Variants in CDCA7 observed in about 807,000 individuals in gnomAD.
CDCA7 encodes cell division cycle associated 7.
A neutral mutation model predicts 54.0 loss-of-function variants in CDCA7; 28 were observed. The ratio of observed to expected loss-of-function variants is 0.52; its 90% CI spans 0.38 to 0.71. The LOEUF (loss-of-function observed/expected upper bound fraction) is 0.71, where lower values mean the gene tolerates loss of function less well. Ranked by LOEUF, CDCA7 falls within the 30% of genes least tolerant of loss-of-function variation. The pLI is 0.00. For synonymous variants in CDCA7, 180 were observed against 208.2 expected, an observed-to-expected ratio of 0.86 and a Z score of 1.16; for missense variants, 484 against 586.0, an observed-to-expected ratio of 0.83 and a Z score of 1.80.
chr2:173,358,968 A>G, intron 2 of CDCA7, 131 bp downstream of exon 2: 1 of 1,250,626 alleles, frequency 8.0e-7, no homozygotes, highest in Non-Finnish European at 1.1e-6. Context: ...TACAGTATGC[A>G]CTATAATTTC....
Position 173,366,458 on chromosome 2 carries a change from T to C in CDCA7, c.1185+26T>C. 1 of 1,610,634 alleles carries C rather than the reference T, an allele frequency of 6.2e-7. No homozygotes were observed. Among genetic ancestry groups the C allele is most frequent in the Non-Finnish European group, 8.5e-7 (1 of 1,177,714 alleles). ...GTAGGTGCCTGCCAGGGGTTGGTCC[T>C]GTGGGCTTGAAGGTCAGCCACAAAC... is the stretch of plus-strand genomic sequence containing the variant. On this transcript the variant is annotated intron_variant, in intron 8 of 9. Coordinates refer to ENST00000306721, the MANE Select transcript of CDCA7 (RefSeq NM_031942.5). The surrounding 1 kb of genome is among the most constrained non-coding windows in gnomAD (Gnocchi z 4.5).
At chr2:173,355,774 C>T (rs1294330444) in intron 1 of CDCA7, among the ~76,000 whole-genome samples, 1 of 151,298 alleles carries the variant, frequency 6.6e-6, no homozygotes, top group African/African-American at 2.4e-5. Context: ...GGTCGGGCTC[C>T]TGGAGAGGGT....
At position 173,368,339 on chromosome 2, in the gene CDCA7, A is replaced by G. The variant is rs993893072; in HGVS notation, c.*675A>G. ...ATCATAATTCAAAGGTTGGTGGGCA[A>G]TGTAATACTTAATTAAAATAATGAT... is the stretch of plus-strand genomic sequence containing the variant. On this transcript the variant is annotated 3_prime_UTR_variant, in exon 10 of 10. Transcript: ENST00000306721. The G allele has an allele frequency of 1.3e-5, 2 of 152,240 alleles. No individual in the cohort carries two copies. The highest frequency in any genetic ancestry group is 2.1e-4 in the South Asian group (1 of 4,830). 9.4% of individuals were successfully genotyped at this position (152,240 alleles called of 1,614,324 possible). A position where few individuals can be genotyped will look rare whatever the true frequency, so the allele number is the denominator to read the frequency against.
At chr2:173,355,053 A>C in intron 1 of CDCA7, 69 bp downstream of exon 1, 2 of 1,272,394 alleles carry the variant, frequency 1.6e-6, no homozygotes, top group Non-Finnish European at 2.0e-6. Flanking sequence ...GCGCGGGCCG[A>C]CCCTCTCCAA....
Position 173,354,987 on chromosome 2 carries a change from G to C in CDCA7, c.21+3G>C. 1 of 1,427,412 alleles carries C rather than the reference G, an allele frequency of 7.0e-7. No individual in the cohort carries two copies. The highest frequency in any genetic ancestry group is 1.5e-5 in the South Asian group (1 of 67,776). The allele number at this position is 1,427,412 out of a possible 1,614,324, so 88.4% of individuals were successfully genotyped here. A position where few individuals can be genotyped will look rare whatever the true frequency, so the allele number is the denominator to read the frequency against. ...GCATGGACGCTCGCCGCGTGCCGGTGAGGGCTGGGCGGGCGAACCCGAGGG... is the reference window on the plus strand; with the variant it reads ...GCATGGACGCTCGCCGCGTGCCGGTCAGGGCTGGGCGGGCGAACCCGAGGG... On this transcript the variant is annotated splice_donor_region_variant and intron_variant, in intron 1 of 9. Coordinates refer to ENST00000306721, the MANE Select transcript of CDCA7 (RefSeq NM_031942.5).
In CDCA7 at chr2:173,367,834, A is replaced by G. The variant is rs1294609680; in HGVS notation, c.*170A>G. On this transcript the variant is annotated 3_prime_UTR_variant, in exon 10 of 10. Transcript: ENST00000306721. ...GTGTTTCTGGAGCATCACAGAAGGT[A>G]TATTGCTAGTTACACTTTGCCCTCC... The G allele has an allele frequency of 5.5e-6, 4 of 730,002 alleles. No individual in the cohort carries two copies. The highest frequency in any genetic ancestry group is 9.4e-6 in the Non-Finnish European group (4 of 426,360). 45.2% of individuals were successfully genotyped at this position (730,002 alleles called of 1,614,324 possible). A position where few individuals can be genotyped will look rare whatever the true frequency, so the allele number is the denominator to read the frequency against.
In CDCA7 at chr2:173,358,719, A is replaced by C; in HGVS notation, c.29A>C (p.Asp10Ala). 6.2e-7 allele frequency: 1 copy of C among 1,613,108 alleles called. No homozygotes were observed. Among genetic ancestry groups the C allele is most frequent in the Non-Finnish European group, 8.5e-7 (1 of 1,179,568 alleles). MDARRVPQK[D>A]LRVKKNLKKF... is the part of the protein sequence containing the mutation. The stretch of plus-strand genomic sequence containing the variant: ...TGCTATTTCCATTTGCAGCAGAAAG[A>C]TCTCAGAGTAAAGAAGAACTTAAAG... Residue 10 changes from aspartate to alanine, a missense_variant, in exon 2 of 10, where the codon GAT becomes GCT. Around this residue, in one of 3 missense-constraint regions of CDCA7, gnomAD observed 398 missense variants for 447.4 expected, o/e 0.89. Coordinates refer to ENST00000306721, the MANE Select transcript of CDCA7 (RefSeq NM_031942.5).
intron 3 of CDCA7, among the ~76,000 whole-genome samples, chr2:173,361,729 G>C (rs190634115): frequency 6.5e-4 from 99 of 152,254 alleles, no homozygotes; most frequent in African/African-American, 2.4e-3. Flanking sequence ...TGGGATTACA[G>C]ATGTGAGCCA....
At chr2:173,359,522 A>C in intron 3 of CDCA7, 31 bp downstream of exon 3, 1 of 1,573,334 alleles carries the variant, frequency 6.4e-7, no homozygotes, top group Non-Finnish European at 8.7e-7. Context: ...AGTTTCAAGA[A>C]GTAAGATACA....
rs759360777 is a variant in CDCA7 at position 173,363,396 on chromosome 2, A to C, written c.555A>C (p.Ser185=). 6.2e-7 allele frequency: 1 copy of C among 1,614,240 alleles called. No individual in the cohort carries two copies. The highest frequency in any genetic ancestry group is 1.1e-5 in the South Asian group (1 of 91,086). The change falls in exon 4 of 10, where the codon TCA becomes TCC. Residue 185 remains serine, a synonymous_variant. Coordinates refer to ENST00000306721, the MANE Select transcript of CDCA7 (RefSeq NM_031942.5). The stretch of plus-strand genomic sequence containing the variant: ...CTGTGACTGATTCCAACTCCGATTC[A>C]GAAGATGAAAGTGGAATGAATTTTT... ...ENSVTDSNSD[S]EDESGMNFLE...
Position 173,363,813 on chromosome 2 carries a change from T to C in CDCA7, c.622-5T>C, listed in dbSNP as rs1331959998. 1 of 1,613,876 alleles carries C rather than the reference T, an allele frequency of 6.2e-7. No homozygotes were observed. Among genetic ancestry groups the C allele is most frequent in the African/African-American group, 1.3e-5 (1 of 74,922 alleles). On this transcript the variant is annotated splice_region_variant and splice_polypyrimidine_tract_variant and intron_variant, in intron 4 of 9. Transcript: ENST00000306721. ...TGATATCAGTTTAATTTCCTCCCTT[T>C]TTAGCTTGCAAAACTCATGTCTGAA...
chr2:173,358,449 G>C (rs7582894), intron 1 of CDCA7: 62,486 of 243,220 alleles, frequency 0.26, 8,457 homozygotes, highest in Middle Eastern at 0.35. Context: ...AGGCTTGCTT[G>C]AGCTCAGGAG....
chr2:173,363,566 A>G lies in CDCA7; in HGVS notation c.621+104A>G. 5 of 1,189,544 alleles carry G rather than the reference A, an allele frequency of 4.2e-6. No individual in the cohort carries two copies. In the South Asian group the frequency reaches 7.2e-5, roughly 17 times the overall value. 73.7% of individuals were successfully genotyped at this position (1,189,544 alleles called of 1,614,324 possible). A position where few individuals can be genotyped will look rare whatever the true frequency, so the allele number is the denominator to read the frequency against. ...AGTTATTTTTTTCTGTTACATGAAT[A>G]AAAAGTTATTTTTGTTTACCTGTGA... On this transcript the variant is annotated intron_variant, in intron 4 of 9. Transcript: ENST00000306721.
Position 173,367,728 on chromosome 2 carries a change from T to C in CDCA7, c.*64T>C. ...TCTTTCTTGTAAAAGTTTCCAATTT[T>C]TTCACTGAAACCTGAGTTAAAAATC... On this transcript the variant is annotated 3_prime_UTR_variant, in exon 10 of 10. Coordinates refer to ENST00000306721, the MANE Select transcript of CDCA7 (RefSeq NM_031942.5). The C allele has an allele frequency of 6.4e-7, 1 of 1,552,488 alleles. No homozygotes were observed. The highest frequency in any genetic ancestry group is 1.1e-5 in the South Asian group (1 of 89,292).
In CDCA7 at chr2:173,358,803, G is replaced by A. The variant is rs140240952; in HGVS notation, c.113G>A (p.Cys38Tyr). The A allele has an allele frequency of 1.9e-6, 3 of 1,613,778 alleles. No homozygotes were observed. Among genetic ancestry groups the A allele is most frequent in the Non-Finnish European group, 2.5e-6 (3 of 1,179,910 alleles). ...METSSSSDDS[C>Y]DSFASDNFAN... is the part of the protein sequence containing the mutation. ...ACCTCGTCATCCTCTGATGACAGTT[G>A]TGACAGCTTTGCTTCTGATAATTTT... Residue 38 changes from cysteine (C) to tyrosine (Y), a missense_variant, in exon 2 of 10, where the codon TGT (cysteine) becomes TAT (tyrosine). By Grantham distance (194) the Cys-to-Tyr change is radical. This residue lies in a region of CDCA7 where 398 missense variants were observed against 447.4 expected (regional missense o/e 0.89). Coordinates refer to ENST00000306721, the MANE Select transcript of CDCA7 (RefSeq NM_031942.5).
chr2:173,367,319 G>A (rs1231949527), intron 9 of CDCA7, 33 bp downstream of exon 9: 10 of 1,612,662 alleles, frequency 6.2e-6, no homozygotes, highest in Non-Finnish European at 5.1e-6. Context: ...TTCCACATCT[G>A]AATTTTATAT....
intron 9 of CDCA7, 109 bp downstream of exon 9, chr2:173,367,395 C>G: frequency 1.3e-6 from 2 of 1,504,986 alleles, no homozygotes; most frequent in Non-Finnish European, 1.8e-6. Context: ...GGGGTGGAGA[C>G]TGACTGGAAC....
In CDCA7 at chr2:173,354,918, T is replaced by TCCGCTCTCC; in HGVS notation, c.-39_-31dup. ...GTGGGACCGCTGACCGCGCGGCTGC[T>TCCGCTCTCC]CCGCTCTCCCCGCTCCAAGCGCCGA... On this transcript the variant is annotated 5_prime_UTR_variant, in exon 1 of 10. Transcript: ENST00000306721. 1 of 1,460,090 alleles carries TCCGCTCTCC rather than the reference T, an allele frequency of 6.8e-7. No individual in the cohort carries two copies. Among genetic ancestry groups the TCCGCTCTCC allele is most frequent in the Non-Finnish European group, 9.0e-7 (1 of 1,111,648 alleles). 90.4% of individuals were successfully genotyped at this position (1,460,090 alleles called of 1,614,324 possible).
Position 173,365,572 on chromosome 2 carries a change from A to G in CDCA7, c.1015A>G (p.Lys339Glu). Residue 339 changes from lysine (K) to glutamate (E), a missense_variant, in exon 7 of 10, where the codon AAG becomes GAG. Lys to Glu is a moderately conservative substitution (Grantham distance 56). Coordinates refer to ENST00000306721, the MANE Select transcript of CDCA7 (RefSeq NM_031942.5). ...GAACGTCTGCAGCAATTCTCGAGAG[A>G]AGATATATAACCGTTCACTGGTGAG... is the stretch of plus-strand genomic sequence containing the variant. Reference protein sequence around the residue: ...LENVCSNSREKIYNRSLGSTC... With the variant: ...LENVCSNSREEIYNRSLGSTC... 1 of 1,614,166 alleles carries G rather than the reference A, an allele frequency of 6.2e-7. No homozygotes were observed. Among genetic ancestry groups the G allele is most frequent in the Non-Finnish European group, 8.5e-7 (1 of 1,180,028 alleles).
Sources: gnomAD v4.1 joint callset for allele counts (sites outside exome capture counted in the v4.1 genomes callset) on GRCh38, gnomAD v4.1.1 for gene constraint, gnomAD v4.1.1 regional missense constraint, Gnocchi (gnomAD v3.1) non-coding constraint, MANE v1.5 for transcripts, NCBI Gene and HGNC (gene_info 2026-07-23, HGNC 2026-07-21) for gene names.